Variants in ACYP2 observed in about 807,000 individuals in gnomAD.
The protein encoded by ACYP2 is acylphosphatase-2.
ACYP2 carries 12 observed loss-of-function variants against 11.2 expected under a neutral mutation model. That is an observed-to-expected ratio of 1.08 (90% CI 0.69 to 1.74). ACYP2 has a LOEUF of 1.74. Ranked by LOEUF, ACYP2 falls within the 40% of genes most tolerant of loss-of-function variation. ACYP2 has a pLI of 0.00. For synonymous variants in ACYP2, 43 were observed against 32.2 expected, an observed-to-expected ratio of 1.33 and a Z score of -1.13; for missense variants, 134 against 101.9, an observed-to-expected ratio of 1.31 and a Z score of -1.35.
At chr2:54,290,757 G>C (rs1454646588) in intron 6 of ACYP2, among the ~76,000 whole-genome samples, 1 of 152,164 alleles carries the variant, frequency 6.6e-6, no homozygotes, top group Non-Finnish European at 1.5e-5. Flanking sequence ...AAACGCAGGC[G>C]TGTCTGGCCA....
chr2:54,094,617 A>G (rs181937360), intron 4 of ACYP2, among the ~76,000 whole-genome samples: 149 of 151,824 alleles, frequency 9.8e-4, no homozygotes, highest in African/African-American at 3.4e-3. Context: ...GGCTCACTGC[A>G]GCCTCTTCCT....
chr2:54,100,770 T>C (rs1678849494), intron 4 of ACYP2, among the ~76,000 whole-genome samples: 1 of 152,238 alleles, frequency 6.6e-6, no homozygotes, highest in Admixed American at 6.5e-5. Context: ...CTATTTTCTA[T>C]TTTTTGAATA....
intron 2 of ACYP2, among the ~76,000 whole-genome samples, chr2:53,991,266 G>A (rs1249606177): frequency 1.3e-5 from 2 of 152,186 alleles, no homozygotes; most frequent in East Asian, 1.9e-4. Flanking sequence ...GTTAATGGAC[G>A]TTTTGGTTGT....
chr2:53,977,220 T>C (rs994165375), intron 2 of ACYP2, among the ~76,000 whole-genome samples: 4 of 152,044 alleles, frequency 2.6e-5, no homozygotes, highest in Non-Finnish European at 5.9e-5. Context: ...GCTAATTTTT[T>C]ATATTTTTAG....
intron 4 of ACYP2, among the ~76,000 whole-genome samples, chr2:54,108,100 A>G (rs1679264005): frequency 6.6e-6 from 1 of 152,226 alleles, no homozygotes; most frequent in Admixed American, 6.5e-5. Flanking sequence ...CAGTCAGTTA[A>G]CAATGGCACA....
At chr2:54,005,086 A>G (rs1179903633) in intron 2 of ACYP2, among the ~76,000 whole-genome samples, 1 of 152,042 alleles carries the variant, frequency 6.6e-6, no homozygotes, top group African/African-American at 2.4e-5. Flanking sequence ...AAAAAATAAA[A>G]ATAAAAAGCC....
intron 6 of ACYP2, among the ~76,000 whole-genome samples, chr2:54,235,999 C>T (rs1272200387): frequency 6.6e-6 from 1 of 152,092 alleles, no homozygotes; most frequent in Non-Finnish European, 1.5e-5. Flanking sequence ...AACTTTTACC[C>T]TTATTGATCT....
chr2:53,995,488 T>TTTATTTATTTATTTA (rs1672530499), intron 2 of ACYP2, among the ~76,000 whole-genome samples: 176 of 145,116 alleles, frequency 1.2e-3, no homozygotes, highest in East Asian at 0.012. Flanking sequence ...TTTATTTATT[T>TTTATTTATTTATTTA]TTTATTTATT....
At chr2:54,142,089 G>C (rs1291549755) in intron 6 of ACYP2, 1 of 394,144 alleles carries the variant, frequency 2.5e-6, no homozygotes, top group East Asian at 3.6e-5. Flanking sequence ...GCTCAGGCTG[G>C]TATAGGACTC....
chr2:54,114,188 T>C (rs781736542), intron 4 of ACYP2, among the ~76,000 whole-genome samples: 2 of 152,144 alleles, frequency 1.3e-5, no homozygotes. Context: ...GGCCAACAAA[T>C]AGAGAAATGC....
chr2:54,289,878 C>T (rs929723375), intron 6 of ACYP2, among the ~76,000 whole-genome samples: 2 of 151,954 alleles, frequency 1.3e-5, no homozygotes, highest in Non-Finnish European at 2.9e-5. Context: ...ATTCCGAGAG[C>T]CCCCATCTTC....
intron 2 of ACYP2, among the ~76,000 whole-genome samples, chr2:53,988,959 G>C (rs1672153920): frequency 6.6e-6 from 1 of 152,038 alleles, no homozygotes; most frequent in Non-Finnish European, 1.5e-5. Context: ...ATGTTGGCCA[G>C]GCTGGTCTTC....
In ACYP2 at chr2:54,275,247, T is replaced by C. The variant is rs146346535; in HGVS notation, c.405-29441T>C. Among the ~76,000 whole-genome samples, 24 of 152,348 alleles carry C rather than the reference T, an allele frequency of 1.6e-4. No individual in the cohort carries two copies. The East Asian group carries it at 4.0e-3, about 26-fold the overall frequency. On this transcript the variant is annotated intron_variant, in intron 6 of 6. Transcript: ENST00000607452. ...CCCTTAAATTGTATGAATTCAACTA[T>C]CATTTCTAAAGCAGCCAGACTAATA...
chr2:54,153,117 A>C (rs1284006816), intron 6 of ACYP2, among the ~76,000 whole-genome samples: 2 of 151,988 alleles, frequency 1.3e-5, no homozygotes, highest in Admixed American at 1.3e-4. Flanking sequence ...CTTGTGTTTA[A>C]GTCTTTAATC....
intron 6 of ACYP2, chr2:54,256,277 C>T: frequency 9.7e-7 from 1 of 1,036,116 alleles, no homozygotes; most frequent in South Asian, 1.6e-5. Flanking sequence ...AGTCTCGCGA[C>T]ACCCACCCCT....
At chr2:54,042,228 A>G (rs577579990) in intron 2 of ACYP2, among the ~76,000 whole-genome samples, 155 of 152,028 alleles carry the variant, frequency 1.0e-3, no homozygotes, top group Admixed American at 4.2e-3. Flanking sequence ...CTGGTCTCGA[A>G]CTCTCAACCT....
chr2:54,256,882 G>A (rs1687565599), intron 6 of ACYP2, among the ~76,000 whole-genome samples: 1 of 152,132 alleles, frequency 6.6e-6, no homozygotes, highest in African/African-American at 2.4e-5. Flanking sequence ...TGGCCAGGCT[G>A]GTCTGAACTC....
intron 4 of ACYP2, among the ~76,000 whole-genome samples, chr2:54,083,235 G>A (rs1052762079): frequency 4.6e-5 from 7 of 152,256 alleles, no homozygotes; most frequent in South Asian, 2.1e-4. Flanking sequence ...GCTGCCACCC[G>A]CCAGGGGTCA....
chr2:54,254,853 G>A, intron 6 of ACYP2: 4 of 1,504,094 alleles, frequency 2.7e-6, no homozygotes, highest in South Asian at 1.3e-5. Context: ...TAATGCTGTT[G>A]CCCAAGCTCA....
Sources: allele counts gnomAD v4.1 joint callset (sites outside exome capture counted in the v4.1 genomes callset), GRCh38; gene constraint gnomAD v4.1.1; transcripts MANE v1.5; gene names NCBI Gene and HGNC (gene_info 2026-07-23, HGNC 2026-07-21).